Variants in TRAPPC9 observed in about 807,000 individuals in gnomAD.
TRAPPC9 encodes trafficking protein particle complex subunit 9.
In TRAPPC9, 83 loss-of-function variants were observed where a neutral mutation model predicts 124.0. The observed-to-expected ratio is 0.67, with a 90% CI of 0.56 to 0.80. The LOEUF is 0.80. Among genes scored for constraint, TRAPPC9 ranks in the 30% least tolerant of loss-of-function variants. TRAPPC9 has a pLI of 0.00. For synonymous variants in TRAPPC9, 638 were observed against 617.5 expected, an observed-to-expected ratio of 1.03 and a Z score of -0.49; for missense variants, 1,302 against 1,508.3, an observed-to-expected ratio of 0.86 and a Z score of 2.27.
chr8:140,325,129 GTTAAAAATA>G (rs2066703719), intron 9 of TRAPPC9, among the ~76,000 whole-genome samples: 1 of 152,134 alleles, frequency 6.6e-6, no homozygotes, highest in Admixed American at 6.6e-5. Context: ...AAAGCGAAAT[GTTAAAAATA>G]TTTCCAGCTG....
chr8:140,091,605 A>G (rs1844569583), intron 17 of TRAPPC9, among the ~76,000 whole-genome samples: 1 of 152,224 alleles, frequency 6.6e-6, no homozygotes, highest in Non-Finnish European at 1.5e-5. Flanking sequence ...ACCTCATTAT[A>G]AAGTCAAGGA....
At chr8:140,121,854 A>AC (rs1407052509) in intron 17 of TRAPPC9, among the ~76,000 whole-genome samples, 2 of 152,014 alleles carry the variant, frequency 1.3e-5, no homozygotes, top group Non-Finnish European at 2.9e-5. Flanking sequence ...CATGATCCCT[A>AC]CCCTCTGGTG....
intron 17 of TRAPPC9, chr8:140,099,062 G>C (rs919557135): frequency 1.3e-5 from 2 of 151,316 alleles, no homozygotes; most frequent in African/African-American, 4.9e-5. Context: ...CCATTCACAG[G>C]GTAAACACGC....
chr8:140,419,106 A>G (rs2132506645), intron 5 of TRAPPC9, among the ~76,000 whole-genome samples: 1 of 152,256 alleles, frequency 6.6e-6, no homozygotes, highest in South Asian at 2.1e-4. Context: ...ATCCTGGCTA[A>G]CACGGTGAAA....
At chr8:139,893,448 C>T (rs1019072668) in intron 20 of TRAPPC9, among the ~76,000 whole-genome samples, 6 of 152,236 alleles carry the variant, frequency 3.9e-5, no homozygotes, top group Admixed American at 2.0e-4. Flanking sequence ...CTGCACAATG[C>T]TCTTTCGAGC....
At chr8:139,818,617 T>C (rs1034453649) in intron 21 of TRAPPC9, among the ~76,000 whole-genome samples, 2 of 151,992 alleles carry the variant, frequency 1.3e-5, no homozygotes, top group Admixed American at 6.6e-5. Flanking sequence ...CAGTCAGTGG[T>C]GTGCTGGTAT....
chr8:140,249,149 C>T (rs748518845), intron 16 of TRAPPC9, among the ~76,000 whole-genome samples: 15 of 149,296 alleles, frequency 1.0e-4, no homozygotes, highest in Middle Eastern at 3.2e-3. Flanking sequence ...GCGTGCTGCC[C>T]AACAACTGGT....
At chr8:140,205,491 G>A (rs1212018141) in intron 17 of TRAPPC9, among the ~76,000 whole-genome samples, 1 of 152,192 alleles carries the variant, frequency 6.6e-6, no homozygotes. Flanking sequence ...AGAGGAAATC[G>A]TTAAGATTAA....
In TRAPPC9 at chr8:140,410,141, C is replaced by CAAA. The variant is rs61149910; in HGVS notation, c.887-4446_887-4444dup. Among the ~76,000 whole-genome samples, 84 of 70,216 alleles carry CAAA rather than the reference C, an allele frequency of 1.2e-3. 3 individuals are homozygous for CAAA. The highest frequency in any genetic ancestry group is 3.5e-3 in the South Asian group (5 of 1,418). 46.1% of individuals were successfully genotyped at this position (70,216 alleles called of 152,430 possible). On this transcript the variant is annotated intron_variant, in intron 5 of 22. Coordinates refer to ENST00000438773, the MANE Select transcript of TRAPPC9 (RefSeq NM_001160372.4). Reference sequence around the variant, plus strand: ...GGGTGAGGGCATGAGACCTTGTCTCCAAAAAAAAAAAAAAAAAAAAAAAAA... The same window carrying CAAA: ...GGGTGAGGGCATGAGACCTTGTCTCCAAAAAAAAAAAAAAAAAAAAAAAAAAAA...
chr8:139,819,309 A>G (rs961104747), intron 21 of TRAPPC9, among the ~76,000 whole-genome samples: 2 of 152,188 alleles, frequency 1.3e-5, no homozygotes, highest in East Asian at 1.9e-4. Context: ...ATACTACATT[A>G]TGGTGAGTTA....
chr8:140,379,638 G>C, intron 7 of TRAPPC9, among the ~76,000 whole-genome samples: 1 of 152,186 alleles, frequency 6.6e-6, no homozygotes, highest in East Asian at 1.9e-4. Context: ...ATTATTTATT[G>C]CAATTAAATT....
At position 140,291,315 on chromosome 8, in the gene TRAPPC9, C is replaced by A. The variant is rs899101391; in HGVS notation, c.1769-237G>T. ...GAATGGCGCTTGTCACTGCCTTCGG[C>A]GGGCTGCATTCATGCTGGCATCAGT... On this transcript the variant is annotated intron_variant, in intron 11 of 22. Coordinates refer to ENST00000438773, the MANE Select transcript of TRAPPC9 (RefSeq NM_001160372.4). 7 of 580,264 alleles carry A rather than the reference C, an allele frequency of 1.2e-5. No homozygotes were observed. In the East Asian group the frequency reaches 2.2e-4, roughly 18 times the overall value. 35.9% of individuals were successfully genotyped at this position (580,264 alleles called of 1,614,324 possible).
intron 21 of TRAPPC9, among the ~76,000 whole-genome samples, chr8:139,830,374 TAC>T (rs1181478052): frequency 1.3e-5 from 2 of 150,684 alleles, no homozygotes; most frequent in South Asian, 4.2e-4. Context: ...ACGCTACACA[TAC>T]ACACACATGC....
At chr8:139,789,106 G>C (rs760725500) in intron 21 of TRAPPC9, among the ~76,000 whole-genome samples, 12 of 152,224 alleles carry the variant, frequency 7.9e-5, no homozygotes, top group Non-Finnish European at 1.8e-4. Context: ...AGAAATGTCA[G>C]TCTGGAGCTC....
chr8:139,860,013 G>A (rs142363408), intron 21 of TRAPPC9, among the ~76,000 whole-genome samples: 9 of 152,312 alleles, frequency 5.9e-5, no homozygotes, highest in South Asian at 4.1e-4. Context: ...CTCACACCTC[G>A]ACTCTTGGTT....
intron 7 of TRAPPC9, among the ~76,000 whole-genome samples, chr8:140,389,987 G>A (rs973865689): frequency 6.6e-6 from 1 of 152,126 alleles, no homozygotes; most frequent in Non-Finnish European, 1.5e-5. Context: ...CAGCTCTAAG[G>A]CTCCTAACAG....
At chr8:140,333,970 A>G (rs1041884254) in intron 9 of TRAPPC9, among the ~76,000 whole-genome samples, 3 of 152,230 alleles carry the variant, frequency 2.0e-5, no homozygotes, top group African/African-American at 7.2e-5. Flanking sequence ...CACTAGTCCA[A>G]GCACTTTACA....
chr8:139,950,645 C>T (rs1328943851), intron 19 of TRAPPC9, among the ~76,000 whole-genome samples: 2 of 152,208 alleles, frequency 1.3e-5, no homozygotes, highest in Non-Finnish European at 2.9e-5. Flanking sequence ...ATAAAAGCAA[C>T]AAACCAACCC....
chr8:140,376,673 C>G (rs2068449648), intron 7 of TRAPPC9, among the ~76,000 whole-genome samples: 1 of 150,364 alleles, frequency 6.7e-6, no homozygotes, highest in South Asian at 2.1e-4. Context: ...GTCAGGAGTT[C>G]GAGACCAGCC....
Sources: gnomAD v4.1 joint callset for allele counts (sites outside exome capture counted in the v4.1 genomes callset) on GRCh38, gnomAD v4.1.1 for gene constraint, MANE v1.5 for transcripts, NCBI Gene and HGNC (gene_info 2026-07-23, HGNC 2026-07-21) for gene names.